Variants in PKHD1L1 observed in about 807,000 individuals in gnomAD.
The protein encoded by PKHD1L1 is fibrocystin-L.
PKHD1L1 carries 434 observed loss-of-function variants against 462.9 expected under a neutral mutation model. The observed-to-expected ratio is 0.94, with a 90% confidence interval of 0.87 to 1.02. PKHD1L1 has a LOEUF of 1.02. Ranked by LOEUF, PKHD1L1 falls within the 50% of genes least tolerant of loss-of-function variation. The pLI is 0.00. For synonymous variants in PKHD1L1, 1,781 were observed against 1,750.0 expected (o/e 1.02, Z -0.44); for missense variants, 5,202 against 5,096.1 (o/e 1.02, Z -0.63).
intron 71 of PKHD1L1, among the ~76,000 whole-genome samples, chr8:109,513,312 T>G (rs1316047560): frequency 6.6e-6 from 1 of 152,138 alleles, no homozygotes; most frequent in Non-Finnish European, 1.5e-5. Context: ...TTGCCCTAAA[T>G]TTTTACATAA....
chr8:109,382,547 C>G lies in PKHD1L1; in HGVS notation c.393C>G (p.Ile131Met), dbSNP rs777210445. The change falls in exon 4 of 78, where the codon ATC (isoleucine) becomes ATG (methionine). Residue 131 changes from isoleucine (I) to methionine (M), a missense_variant. Coordinates refer to ENST00000378402, the MANE Select transcript of PKHD1L1 (RefSeq NM_177531.6). ...AAAATAACACCTGCAAAGGTCACAT[C>G]AACAGCTGGGAATGTACCTTCAACG... is the stretch of plus-strand genomic sequence containing the variant. ...VTENNTCKGH[I>M]NSWECTFNAK... 1 of 1,611,994 alleles carries G rather than the reference C, an allele frequency of 6.2e-7. No individual in the cohort carries two copies. Among genetic ancestry groups the G allele is most frequent in the Non-Finnish European group, 8.5e-7 (1 of 1,178,814 alleles).
rs865946469 is a variant in PKHD1L1, at chr8:109,433,138, G to A, written c.3262G>A (p.Val1088Met). 1 of 1,613,360 alleles carries A rather than the reference G, an allele frequency of 6.2e-7. No homozygotes were observed. Among genetic ancestry groups the A allele is most frequent in the Admixed American group, 1.7e-5 (1 of 59,974 alleles). Residue 1088 changes from valine to methionine, a missense_variant, in exon 28 of 78, where the codon GTG (valine) becomes ATG (methionine). This residue lies in a region of PKHD1L1 where 4,497 missense variants were observed against 4,336.8 expected (regional missense o/e 1.04). Coordinates refer to ENST00000378402, the MANE Select transcript of PKHD1L1 (RefSeq NM_177531.6). The part of the protein sequence containing the change: ...SYEEGTILTI[V>M]GSGFSPSSAV... ...TGAAGAAGGCACAATTCTAACCATA[G>A]TGGGTTCTGGATTTTCTCCTAGTTC...
Position 109,483,678 on chromosome 8 carries a change from CA to C in PKHD1L1, c.9576+574del, listed in dbSNP as rs1466943982. Among the ~76,000 whole-genome samples the C allele has an allele frequency of 3.3e-5, 5 of 150,532 alleles. No individual in the cohort carries two copies. In the East Asian group the frequency reaches 5.8e-4, roughly 18 times the overall value. On this transcript the variant is annotated intron_variant, in intron 57 of 77. Transcript: ENST00000378402. ...ATTAGTCATAAAAGAAAAATATGAA[CA>C]TTTTTGGATAAAATTATTTATTATA... is the stretch of plus-strand genomic sequence containing the variant.
At chr8:109,455,499 C>G (rs9886500) in intron 45 of PKHD1L1, among the ~76,000 whole-genome samples, 18,186 of 152,204 alleles carry the variant, frequency 0.12, 1,414 homozygotes, top group Non-Finnish European at 0.17. Flanking sequence ...ACCGTAGTAC[C>G]TGTCTGTGAT....
chr8:109,432,739 A>G (rs768834060), intron 27 of PKHD1L1, among the ~76,000 whole-genome samples: 16 of 152,326 alleles, frequency 1.1e-4, no homozygotes, highest in Non-Finnish European at 1.9e-4. Flanking sequence ...TCCTTTCCTC[A>G]TGAATTTGCA....
rs759228079 is a variant in PKHD1L1 at position 109,442,970 on chromosome 8, C to A, written c.4418C>A (p.Ser1473Tyr). The change falls in exon 36 of 78, where the codon TCT (serine) becomes TAT (tyrosine). Residue 1473 changes from serine to tyrosine, a missense_variant. Physicochemically the swap from Ser to Tyr is moderately radical, Grantham distance 144. This residue lies in a region of PKHD1L1 where 4,497 missense variants were observed against 4,336.8 expected (regional missense o/e 1.04). Transcript: ENST00000378402. ...TSGSFSYQFT[S>Y]PGIHYYSSGY... is the part of the protein sequence containing the mutation. ...GGTTCATTTTCTTACCAATTTACTT[C>A]TCCTGGAATCCATTATTATAGCAGC... 2 of 1,613,194 alleles carry A rather than the reference C, an allele frequency of 1.2e-6. No homozygotes were observed. The highest frequency in any genetic ancestry group is 2.2e-5 in the East Asian group (1 of 44,868).
chr8:109,438,925 T>C lies in PKHD1L1; in HGVS notation c.3789T>C (p.Tyr1263=). ...AAGTTAATTTAACAATTAAGGGCTA[T>C]AATTTTGGAAATGAACTCACACAAA... is the stretch of plus-strand genomic sequence containing the variant. The part of the protein sequence containing the change: ...LGEVNLTIKG[Y]NFGNELTQNM... The change falls in exon 32 of 78, where the codon TAT becomes TAC. Residue 1263 remains tyrosine, a synonymous_variant. Transcript: ENST00000378402. 4 of 1,612,290 alleles carry C rather than the reference T, an allele frequency of 2.5e-6. No homozygotes were observed. Among genetic ancestry groups the C allele is most frequent in the Non-Finnish European group, 3.4e-6 (4 of 1,179,136 alleles).
chr8:109,474,041 T>G (rs1289866068), intron 50 of PKHD1L1, among the ~76,000 whole-genome samples: 1 of 152,148 alleles, frequency 6.6e-6, no homozygotes, highest in Non-Finnish European at 1.5e-5. Flanking sequence ...TGAACAATAA[T>G]CCAACTAGTC....
intron 50 of PKHD1L1, among the ~76,000 whole-genome samples, chr8:109,467,293 C>T (rs1039038165): frequency 2.6e-5 from 4 of 152,096 alleles, no homozygotes; most frequent in Admixed American, 6.6e-5. Context: ...ACCAGCCAAA[C>T]GAGCAAGCTA....
chr8:109,421,176 A>T (rs945578115), intron 23 of PKHD1L1, among the ~76,000 whole-genome samples: 1 of 151,814 alleles, frequency 6.6e-6, no homozygotes, highest in Admixed American at 6.5e-5. Flanking sequence ...TATTACAAAT[A>T]TAATGAAAAA....
chr8:109,446,905 G>C (rs1020491255), intron 38 of PKHD1L1, among the ~76,000 whole-genome samples: 1 of 152,132 alleles, frequency 6.6e-6, no homozygotes, highest in Admixed American at 6.6e-5. Flanking sequence ...GTTAAGACCT[G>C]TAAAACTTTC....
In PKHD1L1 at chr8:109,535,459, G is replaced by A. The variant is rs547078292; in HGVS notation, c.*5369G>A. On this transcript the variant is annotated 3_prime_UTR_variant, in exon 78 of 78. Coordinates refer to ENST00000378402, the MANE Select transcript of PKHD1L1 (RefSeq NM_177531.6). ...GGATTTAATTTCAAATAAGAACTAC[G>A]TACAAAATATAGATTTAAATTAATT... 3.3e-5 allele frequency among the ~76,000 whole-genome samples: 5 copies of A among 152,156 alleles called. No homozygotes were observed. The highest frequency in any genetic ancestry group is 5.9e-5 in the Non-Finnish European group (4 of 67,986).
chr8:109,442,996 G>A lies in PKHD1L1; in HGVS notation c.4444G>A (p.Gly1482Arg), dbSNP rs747390847. The A allele has an allele frequency of 5.3e-5, 86 of 1,613,298 alleles. No individual in the cohort carries two copies. The highest frequency in any genetic ancestry group is 6.1e-5 in the Non-Finnish European group (72 of 1,179,578). ...TCCTGGAATCCATTATTATAGCAGC[G>A]GGTATGTTGATGAGGCTCACTCCAT... The part of the protein sequence containing the change: ...TSPGIHYYSS[G>R]YVDEAHSIFL... Residue 1482 changes from glycine to arginine, a missense_variant, in exon 36 of 78, where the codon GGG becomes AGG. Gly to Arg is a moderately radical substitution (Grantham distance 125). Coordinates refer to ENST00000378402, the MANE Select transcript of PKHD1L1 (RefSeq NM_177531.6).
At chr8:109,502,581 T>A (rs1819481536) in intron 67 of PKHD1L1, among the ~76,000 whole-genome samples, 1 of 152,172 alleles carries the variant, frequency 6.6e-6, no homozygotes. Context: ...AACCCAACCA[T>A]CTCTTAAGTT....
chr8:109,388,518 C>G lies in PKHD1L1; in HGVS notation c.591C>G (p.Pro197=), dbSNP rs1203757512. The change falls in exon 7 of 78, where the codon CCC becomes CCG. Residue 197 remains proline, a synonymous_variant. Coordinates refer to ENST00000378402, the MANE Select transcript of PKHD1L1 (RefSeq NM_177531.6). The part of the protein sequence containing the change: ...RILRVYIGGM[P]CELLIPQSDN... The stretch of plus-strand genomic sequence containing the variant: ...ACAGAGTTTACATTGGAGGAATGCC[C>G]TGTGAGCTTCTCATACCACAATCTG... The G allele has an allele frequency of 7.2e-6, 11 of 1,518,748 alleles. No individual in the cohort carries two copies. The highest frequency in any genetic ancestry group is 2.0e-5 in the Admixed American group (1 of 50,020). 94.1% of individuals were successfully genotyped at this position (1,518,748 alleles called of 1,614,324 possible).
At chr8:109,376,211 TCCCC>T (rs913817663) in intron 2 of PKHD1L1, among the ~76,000 whole-genome samples, 1 of 152,148 alleles carries the variant, frequency 6.6e-6, no homozygotes, top group African/African-American at 2.4e-5. Flanking sequence ...TGGGTGCCCC[TCCCC>T]CAGCCTCGCT....
intron 21 of PKHD1L1, among the ~76,000 whole-genome samples, chr8:109,416,400 T>G (rs984371794): frequency 2.4e-4 from 37 of 152,214 alleles, no homozygotes; most frequent in African/African-American, 8.7e-4. Context: ...CTATACATGC[T>G]GTGGATGGTG....
chr8:109,466,809 T>C (rs956070968), intron 50 of PKHD1L1, 40 bp downstream of exon 50: 7 of 1,517,766 alleles, frequency 4.6e-6, no homozygotes, highest in Non-Finnish European at 6.2e-6. Flanking sequence ...AATTTAAATA[T>C]ATCTTCCTAA....
chr8:109,383,157 T>TCA (rs1554627879), intron 4 of PKHD1L1, among the ~76,000 whole-genome samples: 1 of 100,940 alleles, frequency 9.9e-6, no homozygotes, highest in Admixed American at 1.6e-4. Flanking sequence ...TTATATATAT[T>TCA]TATATATAAT....
Sources: allele counts gnomAD v4.1 joint callset (sites outside exome capture counted in the v4.1 genomes callset), GRCh38; gene constraint gnomAD v4.1.1; regional missense constraint gnomAD v4.1.1; transcripts MANE v1.5; gene names NCBI Gene and HGNC (gene_info 2026-07-23, HGNC 2026-07-21).